ANKRD6: variants seen among roughly 807,000 people sequenced by gnomAD.
ANKRD6 encodes the protein ankyrin repeat domain-containing protein 6.
Under a neutral mutation model 82.3 loss-of-function variants are expected in ANKRD6, and 56 were observed. The observed-to-expected ratio is 0.68, with a 90% CI of 0.55 to 0.85. ANKRD6 has a LOEUF of 0.85. ANKRD6 is among the 40% of genes least tolerant of loss of function. The pLI is 0.00. For missense variants in ANKRD6, 852 were observed against 907.6 expected, an observed-to-expected ratio of 0.94 and a Z score of 0.79; for synonymous variants, 347 against 352.1, an observed-to-expected ratio of 0.99 and a Z score of 0.16.
At chr6:89,459,685 T>C (rs1300766293) in intron 1 of ANKRD6, among the ~76,000 whole-genome samples, 1 of 152,146 alleles carries the variant, frequency 6.6e-6, no homozygotes, top group African/African-American at 2.4e-5. Flanking sequence ...AAAATATTTT[T>C]AGAGATAGAG....
At chr6:89,471,939 CA>C (rs749607605) in intron 1 of ANKRD6, among the ~76,000 whole-genome samples, 647 of 52,576 alleles carry the variant, frequency 0.012, 2 homozygotes, top group Admixed American at 0.056. Flanking sequence ...AACTCCATCT[CA>C]AAAAAAAAAA....
At chr6:89,535,951 C>T (rs1391767632) in intron 1 of ANKRD6, among the ~76,000 whole-genome samples, 1 of 152,196 alleles carries the variant, frequency 6.6e-6, no homozygotes, top group African/African-American at 2.4e-5. Context: ...TATCACAGGC[C>T]AGGTGTGGTG....
At position 89,603,063 on chromosome 6, in the gene ANKRD6, TG is replaced by T; in HGVS notation, c.258del (p.Asn87ThrfsTer131). 7 of 1,608,952 alleles carry T rather than the reference TG, an allele frequency of 4.4e-6. No homozygotes were observed. Among genetic ancestry groups the T allele is most frequent in the Non-Finnish European group, 5.9e-6 (7 of 1,178,092 alleles). On this transcript the variant is annotated frameshift_variant, in exon 4 of 16. Coordinates refer to ENST00000339746, the MANE Select transcript of ANKRD6 (RefSeq NM_001242809.2). LOFTEE classifies it high-confidence loss of function. ...ACCGCCTTGCACCGGGCCACAGTGG[TG>T]GGGAACACGGAGATCATCGCGGCGC... ...DQTALHRATV[V>X]GNTEIIAALI...
intron 1 of ANKRD6, among the ~76,000 whole-genome samples, chr6:89,548,335 G>A (rs760212419): frequency 3.3e-5 from 5 of 152,142 alleles, no homozygotes; most frequent in East Asian, 1.9e-4. Context: ...TTTTCAAGAT[G>A]CATCTATGTT....
At chr6:89,491,024 G>A (rs1271751058) in intron 1 of ANKRD6, among the ~76,000 whole-genome samples, 1 of 152,200 alleles carries the variant, frequency 6.6e-6, no homozygotes, top group African/African-American at 2.4e-5. Context: ...ACAAGGCCAT[G>A]TGACGAGTGA....
intron 3 of ANKRD6, 47 bp from the exon 4 acceptor site, chr6:89,602,982 G>T (rs1414825430): frequency 6.8e-7 from 1 of 1,478,160 alleles, no homozygotes; most frequent in Admixed American, 1.9e-5. Flanking sequence ...GCAAGCAGGG[G>T]GTGCAGGGGA....
intron 2 of ANKRD6, among the ~76,000 whole-genome samples, chr6:89,592,453 G>A (rs1379452724): frequency 2.6e-5 from 4 of 152,296 alleles, no homozygotes; most frequent in South Asian, 4.1e-4. Flanking sequence ...AATGACACAG[G>A]TGTTATTAGT....
chr6:89,574,588 A>G (rs1790701122), intron 2 of ANKRD6, among the ~76,000 whole-genome samples: 1 of 152,236 alleles, frequency 6.6e-6, no homozygotes, highest in South Asian at 2.1e-4. Context: ...TTGACTGTGA[A>G]TTTCTTACAC....
intron 2 of ANKRD6, chr6:89,568,308 C>T (rs1395429741): frequency 6.6e-6 from 1 of 152,160 alleles, no homozygotes; most frequent in Admixed American, 6.5e-5. Flanking sequence ...GCCTCAGTTT[C>T]TTATCTGTAA....
intron 1 of ANKRD6, among the ~76,000 whole-genome samples, chr6:89,495,994 A>C (rs1160743919): frequency 1.3e-5 from 2 of 152,026 alleles, no homozygotes; most frequent in African/African-American, 4.8e-5. Context: ...GTACATGTTC[A>C]TATGCAATTC....
At chr6:89,522,531 G>A (rs1337664538) in intron 1 of ANKRD6, among the ~76,000 whole-genome samples, 1 of 152,082 alleles carries the variant, frequency 6.6e-6, no homozygotes, top group African/African-American at 2.4e-5. Flanking sequence ...TTCTTGACAG[G>A]CCAAAAAAGA....
chr6:89,479,626 TTTA>T (rs1404688256), intron 1 of ANKRD6, among the ~76,000 whole-genome samples: 3 of 143,438 alleles, frequency 2.1e-5, no homozygotes, highest in Admixed American at 6.8e-5. Flanking sequence ...TATTTATTTA[TTTA>T]TTATTATTAT....
chr6:89,604,466 CT>C (rs5878101), intron 4 of ANKRD6, among the ~76,000 whole-genome samples: 89,276 of 148,818 alleles, frequency 0.6, 27,093 homozygotes, highest in East Asian at 0.69. Flanking sequence ...CCTCTGCTTA[CT>C]TTTTTTTTTT....
chr6:89,433,517 G>C lies in ANKRD6; in HGVS notation c.-144+142G>C, dbSNP rs572519582. On this transcript the variant is annotated intron_variant, in intron 1 of 15. Coordinates refer to ENST00000339746, the MANE Select transcript of ANKRD6 (RefSeq NM_001242809.2). This position sits in a 1 kb window ranked among gnomAD's most constrained non-coding sequence, Gnocchi z 4.3. Reference sequence around the variant, plus strand: ...GCCGACTGCCCGCGGAGGAGACCCGGACACCGCGCCTCGCCCCCTGGCCTG... The same window carrying C: ...GCCGACTGCCCGCGGAGGAGACCCGCACACCGCGCCTCGCCCCCTGGCCTG... 6.6e-6 allele frequency: 1 copy of C among 152,386 alleles called. No homozygotes were observed. Among genetic ancestry groups the C allele is most frequent in the East Asian group, 1.9e-4 (1 of 5,162 alleles). The allele number at this position is 152,386 out of a possible 1,614,324, so 9.4% of individuals were successfully genotyped here.
At position 89,600,951 on chromosome 6, in the gene ANKRD6, C is replaced by A. The variant is rs182422413; in HGVS notation, c.220-2078C>A. On this transcript the variant is annotated intron_variant, in intron 3 of 15. Coordinates refer to ENST00000339746, the MANE Select transcript of ANKRD6 (RefSeq NM_001242809.2). ...ACTCTGGAGGCTGAGGCAGAAGAAT[C>A]GCTTGAACCTGGGAGGCAGAGGTTG... is the stretch of plus-strand genomic sequence containing the variant. 1.8e-3 allele frequency among the ~76,000 whole-genome samples: 280 copies of A among 152,214 alleles called. 2 individuals carry two copies. The highest frequency in any genetic ancestry group is 6.8e-3 in the Middle Eastern group (2 of 294).
At chr6:89,544,673 C>CA (rs1227351012) in intron 1 of ANKRD6, among the ~76,000 whole-genome samples, 3 of 151,942 alleles carry the variant, frequency 2.0e-5, no homozygotes, top group Non-Finnish European at 4.4e-5. Flanking sequence ...AAGATTGTGC[C>CA]ACTGCACTCC....
intron 1 of ANKRD6, among the ~76,000 whole-genome samples, chr6:89,527,951 A>T (rs1433409706): frequency 6.6e-6 from 1 of 152,164 alleles, no homozygotes; most frequent in Non-Finnish European, 1.5e-5. Flanking sequence ...CTGGGACTGT[A>T]GGCACACACC....
chr6:89,515,311 A>G (rs1781067443), intron 1 of ANKRD6, among the ~76,000 whole-genome samples: 1 of 152,200 alleles, frequency 6.6e-6, no homozygotes, highest in African/African-American at 2.4e-5. Flanking sequence ...GCTGCTTGCA[A>G]ATCAGCAAAT....
At chr6:89,527,933 C>A (rs1782704344) in intron 1 of ANKRD6, among the ~76,000 whole-genome samples, 1 of 152,142 alleles carries the variant, frequency 6.6e-6, no homozygotes, top group Non-Finnish European at 1.5e-5. Flanking sequence ...CCTCAGCCTC[C>A]AAAGTATCTG....
Sources: gnomAD v4.1 joint callset for allele counts (sites outside exome capture counted in the v4.1 genomes callset) on GRCh38, gnomAD v4.1.1 for gene constraint, Gnocchi (gnomAD v3.1) non-coding constraint, MANE v1.5 for transcripts, NCBI Gene and HGNC (gene_info 2026-07-23, HGNC 2026-07-21) for gene names.